The following DGKB variants were observed in gnomAD, a reference collection of about 807,000 sequenced individuals.
The protein encoded by DGKB is diacylglycerol kinase beta.
In DGKB, 67 loss-of-function variants were observed where a neutral mutation model predicts 114.3. The observed-to-expected ratio is 0.59, with a 90% confidence interval of 0.48 to 0.72. The LOEUF (loss-of-function observed/expected upper bound fraction) is 0.72. DGKB is among the 30% of genes least tolerant of loss of function. The pLI is 0.00. For synonymous variants in DGKB, 398 were observed against 323.1 expected (o/e 1.23, Z -2.49); for missense variants, 907 against 975.2 (o/e 0.93, Z 0.93).
intron 13 of DGKB, among the ~76,000 whole-genome samples, chr7:14,635,927 A>G (rs1192135286): frequency 3.3e-5 from 5 of 151,692 alleles, no homozygotes; most frequent in African/African-American, 7.2e-5. Context: ...TCCAGAATAC[A>G]AATATAGCAC....
At chr7:14,839,889 GC>G (rs1186423070) in intron 2 of DGKB, among the ~76,000 whole-genome samples, 1 of 151,632 alleles carries the variant, frequency 6.6e-6, no homozygotes, top group Non-Finnish European at 1.5e-5. Flanking sequence ...CAAATACCCA[GC>G]AGCATTCTCA....
At chr7:14,648,820 A>G (rs1295625082) in intron 13 of DGKB, among the ~76,000 whole-genome samples, 3 of 138,402 alleles carry the variant, frequency 2.2e-5, no homozygotes, top group Non-Finnish European at 4.7e-5. Flanking sequence ...GGAGCTGAAA[A>G]CCAAGGCTCG....
intron 2 of DGKB, among the ~76,000 whole-genome samples, chr7:14,803,853 G>T (rs569114704): frequency 6.6e-6 from 1 of 151,898 alleles, no homozygotes; most frequent in African/African-American, 2.4e-5. Context: ...AATTTTCAAC[G>T]AAGTCTAACG....
intron 20 of DGKB, among the ~76,000 whole-genome samples, chr7:14,539,941 T>C (rs1190376232): frequency 2.0e-5 from 3 of 152,200 alleles, no homozygotes; most frequent in East Asian, 1.9e-4. Flanking sequence ...TTTTAATTAA[T>C]CTCGTGTAGC....
At chr7:14,587,317 T>C (rs563507463) in intron 17 of DGKB, among the ~76,000 whole-genome samples, 64 of 152,212 alleles carry the variant, frequency 4.2e-4, no homozygotes, top group South Asian at 8.3e-4. Flanking sequence ...TGCATGTGAC[T>C]GAATTGCCGC....
intron 4 of DGKB, among the ~76,000 whole-genome samples, chr7:14,747,376 T>C (rs1245959468): frequency 2.0e-5 from 3 of 150,250 alleles, no homozygotes; most frequent in African/African-American, 7.4e-5. Context: ...TTTTTTTTAA[T>C]TTTCTAACTC....
chr7:14,279,055 A>G lies in DGKB; in HGVS notation c.2122+59460T>C, dbSNP rs185315690. Among the ~76,000 whole-genome samples, 128 of 152,308 alleles carry G rather than the reference A, an allele frequency of 8.4e-4. 1 individual carries two copies. Among genetic ancestry groups the G allele is most frequent in the Admixed American group, 7.1e-3 (109 of 15,302 alleles). On this transcript the variant is annotated intron_variant, in intron 23 of 25. Transcript: ENST00000402815. ...TGAGCGAGCCGAAGCAGGGCGAGGC[A>G]TTGCCTCACTCAGGAAGCGCAAGGG...
chr7:14,946,978 C>G (rs1785918206), intron 1 of DGKB, among the ~76,000 whole-genome samples: 1 of 151,500 alleles, frequency 6.6e-6, no homozygotes, highest in African/African-American at 2.4e-5. Context: ...ATAAGTCATA[C>G]TCTAAGAACA....
chr7:14,387,102 T>TTATC (rs1449223991), intron 21 of DGKB, among the ~76,000 whole-genome samples: 3 of 133,688 alleles, frequency 2.2e-5, no homozygotes, highest in Non-Finnish European at 4.6e-5. Flanking sequence ...TTTTGATTAT[T>TTATC]TATTTATTTA....
At chr7:14,365,441 G>A (rs953744208) in intron 21 of DGKB, among the ~76,000 whole-genome samples, 1 of 152,038 alleles carries the variant, frequency 6.6e-6, no homozygotes, top group Non-Finnish European at 1.5e-5. Flanking sequence ...AGAAGGAGAA[G>A]GGACAGCCCA....
chr7:14,867,262 A>G (rs1365423931), intron 1 of DGKB, among the ~76,000 whole-genome samples: 1 of 151,912 alleles, frequency 6.6e-6, no homozygotes, highest in East Asian at 1.9e-4. Context: ...TTTTTCATGG[A>G]CTCTGCCTTT....
chr7:14,445,506 T>A (rs1830610320), intron 21 of DGKB, among the ~76,000 whole-genome samples: 1 of 151,930 alleles, frequency 6.6e-6, no homozygotes, highest in South Asian at 2.1e-4. Context: ...TTTACCAGGA[T>A]ATAAAATTCA....
chr7:14,608,405 T>A (rs1036954482), intron 16 of DGKB, among the ~76,000 whole-genome samples: 1 of 151,370 alleles, frequency 6.6e-6, no homozygotes, highest in Admixed American at 6.6e-5. Context: ...TGAAAAAAAA[T>A]CTTCAACAGA....
chr7:14,183,662 G>C (rs1041200553), intron 23 of DGKB, among the ~76,000 whole-genome samples: 1 of 152,166 alleles, frequency 6.6e-6, no homozygotes, highest in African/African-American at 2.4e-5. Flanking sequence ...GGGAAACTAT[G>C]TCACTTGTTC....
chr7:14,243,017 T>C (rs1222807034), intron 23 of DGKB, among the ~76,000 whole-genome samples: 1 of 151,936 alleles, frequency 6.6e-6, no homozygotes, highest in East Asian at 1.9e-4. Context: ...AAGGGTAAGA[T>C]AGAGGGAGAG....
intron 1 of DGKB, among the ~76,000 whole-genome samples, chr7:14,928,975 G>A (rs952439482): frequency 2.0e-5 from 3 of 150,992 alleles, no homozygotes; most frequent in Non-Finnish European, 3.0e-5. Context: ...TCCTGCAAAA[G>A]ACATAATTCC....
intron 20 of DGKB, among the ~76,000 whole-genome samples, chr7:14,513,683 T>A (rs1477135424): frequency 1.3e-5 from 2 of 151,962 alleles, no homozygotes; most frequent in African/African-American, 2.4e-5. Flanking sequence ...AATAAAACAA[T>A]ATTTTATTAC....
rs79421716 is a variant in DGKB, at chr7:14,560,818, A to C, written c.1770+13394T>G. 9.7e-3 allele frequency among the ~76,000 whole-genome samples: 1,480 copies of C among 152,276 alleles called. 20 individuals carry two copies. The highest frequency in any genetic ancestry group is 0.032 in the African/African-American group (1,346 of 41,550). ...TAGTGGCTATACCATTTTGCATCCCAACATTATGCAGGAGTCCCAATTTCT... is the reference window on the plus strand; with the variant it reads ...TAGTGGCTATACCATTTTGCATCCCCACATTATGCAGGAGTCCCAATTTCT... On this transcript the variant is annotated intron_variant, in intron 20 of 25. Transcript: ENST00000402815.
At chr7:14,588,392 G>A (rs546312858) in intron 17 of DGKB, among the ~76,000 whole-genome samples, 2 of 151,948 alleles carry the variant, frequency 1.3e-5, no homozygotes, top group East Asian at 3.9e-4. Flanking sequence ...TAAGTAGTCA[G>A]TACCTTAACT....
Sources: gnomAD v4.1 joint callset for allele counts (sites outside exome capture counted in the v4.1 genomes callset) on GRCh38, gnomAD v4.1.1 for gene constraint, MANE v1.5 for transcripts, NCBI Gene and HGNC (gene_info 2026-07-23, HGNC 2026-07-21) for gene names.